Variants in RAI14 observed in about 807,000 individuals in gnomAD.
RAI14 encodes ankycorbin.
Under a neutral mutation model 115.4 loss-of-function variants are expected in RAI14, and 45 were observed. The observed-to-expected ratio is 0.39, with a 90% CI of 0.31 to 0.50. RAI14 has a LOEUF of 0.50. Among genes scored for constraint, RAI14 ranks in the 20% least tolerant of loss-of-function variants. RAI14 has a pLI of 0.85. For synonymous variants in RAI14, 371 were observed against 415.4 expected (o/e 0.89, Z 1.30); for missense variants, 939 against 1,131.2 (o/e 0.83, Z 2.44).
At chr5:34,736,229 C>T (rs759825981) in intron 2 of RAI14, among the ~76,000 whole-genome samples, 10 of 152,242 alleles carry the variant, frequency 6.6e-5, no homozygotes, top group South Asian at 2.1e-4. Context: ...GGCGAAGCCC[C>T]GTCTCTACTA....
rs1738121063 is a variant in RAI14, at chr5:34,688,319, T to A, written c.36+1364T>A. ...TAAATTTTGTGACCAGGTTAACAAA[T>A]GTCTTTTTCTATTCCAAGGGAATCT... is the stretch of plus-strand genomic sequence containing the variant. On this transcript the variant is annotated intron_variant, in intron 2 of 17. Transcript: ENST00000265109. 3 of 1,400,432 alleles carry A rather than the reference T, an allele frequency of 2.1e-6. No homozygotes were observed. In the South Asian group the frequency reaches 3.8e-5, roughly 18 times the overall value. The allele number at this position is 1,400,432 out of a possible 1,614,324, so 86.8% of individuals were successfully genotyped here.
At chr5:34,707,802 TATA>T (rs1313315645) in intron 2 of RAI14, among the ~76,000 whole-genome samples, 1 of 152,238 alleles carries the variant, frequency 6.6e-6, no homozygotes, top group Non-Finnish European at 1.5e-5. Flanking sequence ...AAGTTATGAT[TATA>T]ATAACCTTTC....
intron 1 of RAI14, among the ~76,000 whole-genome samples, chr5:34,678,215 A>C (rs1180236813): frequency 6.6e-6 from 1 of 151,988 alleles, no homozygotes; most frequent in Non-Finnish European, 1.5e-5. Flanking sequence ...CTCATGCCTC[A>C]GCCTCCCGAG....
intron 14 of RAI14, among the ~76,000 whole-genome samples, chr5:34,822,252 A>ATATATATATATATATATATG (rs1756930823): frequency 7.8e-6 from 1 of 128,616 alleles, no homozygotes; most frequent in East Asian, 2.1e-4. Context: ...GTGTGTATGT[A>ATATATATATATATATATATG]TATATATATA....
chr5:34,725,122 TC>T (rs969607440), intron 2 of RAI14, among the ~76,000 whole-genome samples: 1 of 152,192 alleles, frequency 6.6e-6, no homozygotes, highest in African/African-American at 2.4e-5. Context: ...TAATTAAAGT[TC>T]TAATTATTTT....
intron 2 of RAI14, among the ~76,000 whole-genome samples, chr5:34,707,444 G>A (rs1579976262): frequency 6.6e-6 from 1 of 152,312 alleles, no homozygotes. Flanking sequence ...CTCCAGCCTG[G>A]CGACAGAGCG....
chr5:34,735,672 C>A (rs998861522), intron 2 of RAI14, among the ~76,000 whole-genome samples: 1 of 152,196 alleles, frequency 6.6e-6, no homozygotes, highest in African/African-American at 2.4e-5. Flanking sequence ...TAAAGAAATT[C>A]CAAATGTTAT....
intron 2 of RAI14, among the ~76,000 whole-genome samples, chr5:34,704,335 G>T (rs1191640314): frequency 2.0e-5 from 3 of 152,072 alleles, no homozygotes; most frequent in African/African-American, 7.3e-5. Context: ...CTTCCGTCCG[G>T]GTACTTTGTC....
At chr5:34,694,983 C>T (rs553576196) in intron 2 of RAI14, among the ~76,000 whole-genome samples, 2 of 152,266 alleles carry the variant, frequency 1.3e-5, no homozygotes, top group East Asian at 3.9e-4. Flanking sequence ...ACTGCAGCCT[C>T]TGCCTCTGGA....
chr5:34,829,017 T>C (rs1757738652), intron 16 of RAI14, among the ~76,000 whole-genome samples: 1 of 152,168 alleles, frequency 6.6e-6, no homozygotes, highest in Non-Finnish European at 1.5e-5. Context: ...AAATTTTCCA[T>C]AATTCAATAA....
intron 1 of RAI14, among the ~76,000 whole-genome samples, chr5:34,675,479 G>A (rs1249238982): frequency 3.9e-5 from 6 of 152,154 alleles, no homozygotes; most frequent in Admixed American, 2.0e-4. Context: ...CTGGCCAGGC[G>A]TGGTGGCTCA....
intron 2 of RAI14, among the ~76,000 whole-genome samples, chr5:34,707,832 A>G (rs1203005143): frequency 2.0e-5 from 3 of 152,166 alleles, no homozygotes; most frequent in Admixed American, 1.3e-4. Context: ...ATAGACAGTT[A>G]TTTTTTCACA....
chr5:34,704,010 T>C (rs529851148), intron 2 of RAI14, among the ~76,000 whole-genome samples: 12 of 152,288 alleles, frequency 7.9e-5, no homozygotes, highest in African/African-American at 2.4e-4. Flanking sequence ...GAAATGAACA[T>C]TGTGGGGCTC....
chr5:34,807,483 G>A (rs987370320), intron 5 of RAI14, among the ~76,000 whole-genome samples: 8 of 152,054 alleles, frequency 5.3e-5, no homozygotes, highest in Non-Finnish European at 1.0e-4. Context: ...GGACAGAAAG[G>A]GCAGGAGATG....
chr5:34,762,928 C>CGTGT (rs747560798), intron 3 of RAI14, among the ~76,000 whole-genome samples: 2 of 98,826 alleles, frequency 2.0e-5, no homozygotes, highest in East Asian at 3.6e-4. Flanking sequence ...GGAGTGTGTG[C>CGTGT]ATGTGTGTGT....
chr5:34,753,687 G>A (rs1368947287), intron 2 of RAI14, among the ~76,000 whole-genome samples: 1 of 152,094 alleles, frequency 6.6e-6, no homozygotes, highest in Non-Finnish European at 1.5e-5. Flanking sequence ...AGGCCACGGT[G>A]GGCAGATCAC....
At chr5:34,822,275 A>ATATATAT (rs1756937994) in intron 14 of RAI14, among the ~76,000 whole-genome samples, 1 of 76,616 alleles carries the variant, frequency 1.3e-5, no homozygotes, top group Admixed American at 1.3e-4. Context: ...TATATATATA[A>ATATATAT]AATATTATCC....
intron 1 of RAI14, chr5:34,656,737 G>A (rs916721284): frequency 3.9e-5 from 6 of 152,624 alleles, no homozygotes; most frequent in African/African-American, 1.2e-4. Context: ...GCCAAGTTAG[G>A]AGAAGGGTTC....
chr5:34,761,592 A>G (rs1369543668), intron 3 of RAI14, among the ~76,000 whole-genome samples: 1 of 151,920 alleles, frequency 6.6e-6, no homozygotes, highest in African/African-American at 2.4e-5. Context: ...TGCCCCACTT[A>G]CCTACATCCT....
Sources: gnomAD v4.1 joint callset for allele counts (sites outside exome capture counted in the v4.1 genomes callset) on GRCh38, gnomAD v4.1.1 for gene constraint, MANE v1.5 for transcripts, NCBI Gene and HGNC (gene_info 2026-07-23, HGNC 2026-07-21) for gene names.